ZNF644: variants seen among roughly 807,000 people sequenced by gnomAD.
ZNF644 encodes zinc finger motif enhancer binding protein 2.
A neutral mutation model predicts 108.0 loss-of-function variants in ZNF644; 20 were observed. That is an observed-to-expected ratio of 0.19 (90% CI 0.13 to 0.27). ZNF644 has a LOEUF of 0.27. ZNF644 is among the 10% of genes least tolerant of loss of function. ZNF644 has a pLI of 1.00. For synonymous variants in ZNF644, 542 were observed against 539.1 expected (o/e 1.01, Z -0.08); for missense variants, 1,338 against 1,548.9 (o/e 0.86, Z 2.29).
intron 1 of ZNF644, 149 bp from the exon 2 acceptor site, chr1:90,982,519 C>T: frequency 3.3e-6 from 2 of 605,630 alleles, no homozygotes; most frequent in Non-Finnish European, 2.9e-6. Context: ...AACCAGAATA[C>T]CATCATTTTA....
chr1:90,997,487 G>A (rs1294557680), intron 1 of ZNF644, among the ~76,000 whole-genome samples: 1 of 151,490 alleles, frequency 6.6e-6, no homozygotes, highest in Non-Finnish European at 1.5e-5. Flanking sequence ...GCAGAGAGGA[G>A]AATCTGATTA....
intron 2 of ZNF644, among the ~76,000 whole-genome samples, chr1:90,972,369 T>C (rs935212510): frequency 6.6e-6 from 1 of 152,126 alleles, no homozygotes; most frequent in Non-Finnish European, 1.5e-5. Flanking sequence ...CCAATAAGCA[T>C]ATGAAAAGAT....
rs78656444 is a variant in ZNF644, at chr1:90,921,780, T to C, written c.3689-3626A>G. On this transcript the variant is annotated intron_variant, in intron 4 of 5. Coordinates refer to ENST00000337393, the MANE Select transcript of ZNF644 (RefSeq NM_201269.3). The stretch of plus-strand genomic sequence containing the variant: ...AATATACCTTTCAGTAAGATATTTG[T>C]CTTGGTCAAATACAAATATGAAAGA... Among the ~76,000 whole-genome samples the C allele has an allele frequency of 4.4e-4, 67 of 151,860 alleles. 1 individual carries two copies. In the East Asian group the frequency reaches 0.012, roughly 27 times the overall value.
chr1:91,021,717 C>CGCG, intron 1 of ZNF644: 1 of 240,990 alleles, frequency 4.1e-6, no homozygotes, highest in South Asian at 1.8e-4. Flanking sequence ...CAGCGACCGC[C>CGCG]GCGGCCGCCG....
At chr1:90,936,354 G>C (rs545461670) in intron 4 of ZNF644, among the ~76,000 whole-genome samples, 25 of 152,072 alleles carry the variant, frequency 1.6e-4, no homozygotes, top group African/African-American at 6.0e-4. Flanking sequence ...TCTTCCCTGC[G>C]TTTTACCCTT....
At chr1:90,965,364 G>A (rs796457915) in intron 2 of ZNF644, among the ~76,000 whole-genome samples, 14 of 151,976 alleles carry the variant, frequency 9.2e-5, no homozygotes, top group African/African-American at 3.1e-4. Context: ...TTAGTGTCTC[G>A]GTATCCAAAT....
At position 91,017,860 on chromosome 1, in the gene ZNF644, G is replaced by A. The variant is rs1660566127; in HGVS notation, c.-18+4130C>T. On this transcript the variant is annotated intron_variant, in intron 1 of 5. Transcript: ENST00000337393. ...GCCCGTAATCCCAGCTACTTGAGAG[G>A]CTGAGACAGGAGAATCACTTGAACC... Among the ~76,000 whole-genome samples, 5 of 152,240 alleles carry A rather than the reference G, an allele frequency of 3.3e-5. No homozygotes were observed. In the South Asian group the frequency reaches 1.0e-3, roughly 32 times the overall value.
chr1:90,995,713 A>G (rs1658084297), intron 1 of ZNF644, among the ~76,000 whole-genome samples: 4 of 152,216 alleles, frequency 2.6e-5, no homozygotes, highest in Admixed American at 2.6e-4. Context: ...GAGATACTGA[A>G]ACAACATCTT....
At chr1:90,932,968 C>T (rs1398409897) in intron 4 of ZNF644, among the ~76,000 whole-genome samples, 1 of 152,110 alleles carries the variant, frequency 6.6e-6, no homozygotes, top group Non-Finnish European at 1.5e-5. Flanking sequence ...TTTGGTAGTA[C>T]TTAATCATAT....
intron 1 of ZNF644, among the ~76,000 whole-genome samples, chr1:90,983,800 G>A (rs1423315400): frequency 6.6e-6 from 1 of 152,134 alleles, no homozygotes; most frequent in African/African-American, 2.4e-5. Context: ...GGTGGCACGC[G>A]CCCGTAGTCC....
At chr1:90,968,141 T>C (rs1005820326) in intron 2 of ZNF644, among the ~76,000 whole-genome samples, 45 of 149,966 alleles carry the variant, frequency 3.0e-4, no homozygotes, top group Non-Finnish European at 2.8e-4. Flanking sequence ...TGAAAGGTAA[T>C]AGAAATTGTC....
chr1:91,007,740 TC>T (rs1162281368), intron 1 of ZNF644, among the ~76,000 whole-genome samples: 1 of 152,204 alleles, frequency 6.6e-6, no homozygotes, highest in Non-Finnish European at 1.5e-5. Flanking sequence ...TTTCATAGCA[TC>T]CTTTCTTGTT....
intron 1 of ZNF644, chr1:91,021,788 G>A (rs1245216641): frequency 1.3e-5 from 5 of 382,214 alleles, no homozygotes; most frequent in East Asian, 3.7e-5. Context: ...CTCGGCCGCC[G>A]CCGCCATCTT....
intron 1 of ZNF644, among the ~76,000 whole-genome samples, chr1:91,002,939 A>G (rs985980266): frequency 1.3e-5 from 2 of 151,840 alleles, no homozygotes; most frequent in Non-Finnish European, 3.0e-5. Context: ...AATGCTCATC[A>G]TCACTGGCCA....
At chr1:90,979,470 T>C (rs1484370666) in intron 2 of ZNF644, among the ~76,000 whole-genome samples, 2 of 152,016 alleles carry the variant, frequency 1.3e-5, no homozygotes, top group Non-Finnish European at 2.9e-5. Flanking sequence ...CGAAACTCCA[T>C]CTCAAAAACA....
chr1:90,992,178 T>G (rs535310979), intron 1 of ZNF644, among the ~76,000 whole-genome samples: 42 of 152,156 alleles, frequency 2.8e-4, no homozygotes, highest in Non-Finnish European at 5.0e-4. Flanking sequence ...AAGGAAACTT[T>G]TTGAAACTAA....
chr1:90,943,784 T>TA (rs1241006509), intron 2 of ZNF644, among the ~76,000 whole-genome samples: 1 of 151,904 alleles, frequency 6.6e-6, no homozygotes, highest in East Asian at 1.9e-4. Flanking sequence ...GGGCAGCACA[T>TA]AAACATGTGT....
chr1:91,007,269 T>C lies in ZNF644; in HGVS notation c.-18+14721A>G, dbSNP rs556281240. On this transcript the variant is annotated intron_variant, in intron 1 of 5. Coordinates refer to ENST00000337393, the MANE Select transcript of ZNF644 (RefSeq NM_201269.3). The stretch of plus-strand genomic sequence containing the variant: ...TTTTTTTTTTGAGACAGTGTCTCGC[T>C]CTGTTGCACAGGCTGGAGCACAGTA... 1.9e-4 allele frequency among the ~76,000 whole-genome samples: 25 copies of C among 133,294 alleles called. No homozygotes were observed. The South Asian group carries it at 7.0e-3, about 37-fold the overall frequency. 87.4% of individuals were successfully genotyped at this position (133,294 alleles called of 152,430 possible). A position where few individuals can be genotyped will look rare whatever the true frequency, so the allele number is the denominator to read the frequency against.
intron 4 of ZNF644, among the ~76,000 whole-genome samples, chr1:90,919,859 T>C (rs1179597505): frequency 1.3e-5 from 2 of 152,082 alleles, no homozygotes; most frequent in Non-Finnish European, 2.9e-5. Flanking sequence ...TTAATACAGG[T>C]AATATTCCTG....
Sources: gnomAD v4.1 joint callset for allele counts (sites outside exome capture counted in the v4.1 genomes callset) on GRCh38, gnomAD v4.1.1 for gene constraint, MANE v1.5 for transcripts, NCBI Gene and HGNC (gene_info 2026-07-23, HGNC 2026-07-21) for gene names.